The following SOBP variants were observed in gnomAD, a reference collection of about 807,000 sequenced individuals.
The protein encoded by SOBP is sine oculis binding protein homolog.
A neutral mutation model predicts 53.6 loss-of-function variants in SOBP; 4 were observed. That is an observed-to-expected ratio of 0.07 (90% CI 0.04 to 0.17). The LOEUF (loss-of-function observed/expected upper bound fraction) is 0.17, where lower values mean the gene tolerates loss of function less well. Among genes scored for constraint, SOBP ranks in the 10% least tolerant of loss-of-function variants. The pLI is 1.00. For missense variants in SOBP, 1,088 were observed against 1,204.7 expected, an observed-to-expected ratio of 0.90 and a Z score of 1.43; for synonymous variants, 584 against 522.6, an observed-to-expected ratio of 1.12 and a Z score of -1.60.
rs1770958245 is a variant in SOBP, at chr6:107,635,044, G to A, written c.2200G>A (p.Gly734Ser). 4 of 1,295,020 alleles carry A rather than the reference G, an allele frequency of 3.1e-6. No homozygotes were observed. In the East Asian group the frequency reaches 9.5e-5, roughly 31 times the overall value. The allele number at this position is 1,295,020 out of a possible 1,614,324, so 80.2% of individuals were successfully genotyped here. Reference protein sequence around the residue: ...VNGTRGAAAEGAKSAEPPPEQ... With the variant: ...VNGTRGAAAESAKSAEPPPEQ... ...CGGCACGCGCGGCGCCGCCGCCGAG[G>A]GCGCTAAGAGCGCGGAGCCGCCTCC... Residue 734 changes from glycine (G) to serine (S), a missense_variant, in exon 6 of 7, where the codon GGC (glycine) becomes AGC (serine). By Grantham distance (56) the Gly-to-Ser change is moderately conservative. Transcript: ENST00000317357. This position sits in a 1 kb window ranked among gnomAD's most constrained non-coding sequence, Gnocchi z 4.5.
At position 107,634,897 on chromosome 6, in the gene SOBP, G is replaced by A. The variant is rs1351570525; in HGVS notation, c.2053G>A (p.Ala685Thr). 1 of 1,298,458 alleles carries A rather than the reference G, an allele frequency of 7.7e-7. No individual in the cohort carries two copies. The highest frequency in any genetic ancestry group is 9.9e-7 in the Non-Finnish European group (1 of 1,013,040). 80.4% of individuals were successfully genotyped at this position (1,298,458 alleles called of 1,614,324 possible). Residue 685 changes from alanine (A) to threonine (T), a missense_variant, in exon 6 of 7, where the codon GCG (alanine) becomes ACG (threonine). By Grantham distance (58) the Ala-to-Thr change is moderately conservative. Around this residue, in one of 6 missense-constraint regions of SOBP, gnomAD observed 665 missense variants for 629.7 expected, o/e 1.06. Coordinates refer to ENST00000317357, the MANE Select transcript of SOBP (RefSeq NM_018013.4). This position sits in a 1 kb window ranked among gnomAD's most constrained non-coding sequence, Gnocchi z 4.5. ...CAAGGCGGAGCGCGAGCCGAGCGCC[G>A]CGGAGCGCAGGACCTGCGGCGGCTG... ...HVKAEREPSA[A>T]ERRTCGGCRD...
chr6:107,547,979 G>T (rs1784349888), intron 4 of SOBP, among the ~76,000 whole-genome samples: 1 of 152,210 alleles, frequency 6.6e-6, no homozygotes, highest in Non-Finnish European at 1.5e-5. Flanking sequence ...GAATGGAAGG[G>T]AGAGAAGGTA....
At chr6:107,582,377 T>A (rs894882068) in intron 4 of SOBP, among the ~76,000 whole-genome samples, 1 of 152,164 alleles carries the variant, frequency 6.6e-6, no homozygotes, top group Non-Finnish European at 1.5e-5. Context: ...GAGAGGTGAA[T>A]ACAAAGTTTG....
chr6:107,534,837 C>T (rs909398722), intron 4 of SOBP, among the ~76,000 whole-genome samples: 1 of 152,182 alleles, frequency 6.6e-6, no homozygotes, highest in African/African-American at 2.4e-5. Context: ...TGGGAGGAGC[C>T]AGTGAATCTG....
chr6:107,549,585 A>T (rs1458907328), intron 4 of SOBP, among the ~76,000 whole-genome samples: 1 of 152,048 alleles, frequency 6.6e-6, no homozygotes, highest in Non-Finnish European at 1.5e-5. Flanking sequence ...CCAGAAGTAC[A>T]GCTCCCCTCC....
chr6:107,495,407 A>G (rs561027586), intron 1 of SOBP, among the ~76,000 whole-genome samples: 1 of 152,332 alleles, frequency 6.6e-6, no homozygotes, highest in South Asian at 2.1e-4. Flanking sequence ...CCATCCACGA[A>G]CTGGTGTGAT....
chr6:107,505,086 A>T (rs1167624942), intron 2 of SOBP, among the ~76,000 whole-genome samples: 1 of 152,014 alleles, frequency 6.6e-6, no homozygotes, highest in Non-Finnish European at 1.5e-5. Flanking sequence ...TAAAATTTTT[A>T]TTTTTGTTAT....
At chr6:107,611,839 A>C (rs961781795) in intron 5 of SOBP, among the ~76,000 whole-genome samples, 1 of 152,206 alleles carries the variant, frequency 6.6e-6, no homozygotes, top group South Asian at 2.1e-4. Flanking sequence ...GGAGTTAACT[A>C]ATTCCATCGG....
rs1263646072 is a variant in SOBP at position 107,634,066 on chromosome 6, C to T, written c.1222C>T (p.Arg408Cys). The change falls in exon 6 of 7, where the codon CGC becomes TGC. Residue 408 changes from arginine (R) to cysteine (C), a missense_variant. Around this residue, in one of 6 missense-constraint regions of SOBP, gnomAD observed 211 missense variants for 258.9 expected, o/e 0.82. Coordinates refer to ENST00000317357, the MANE Select transcript of SOBP (RefSeq NM_018013.4). The surrounding 1 kb of genome is among the most constrained non-coding windows in gnomAD (Gnocchi z 4.5). The part of the protein sequence containing the change: ...FMEQQIMQQI[R>C]PPFIRGPPHH... ...GGAGCAGCAGATCATGCAGCAGATC[C>T]GCCCGCCCTTCATCCGCGGGCCTCC... The T allele has an allele frequency of 3.7e-6, 6 of 1,601,700 alleles. No individual in the cohort carries two copies. The highest frequency in any genetic ancestry group is 5.1e-6 in the Non-Finnish European group (6 of 1,173,226).
chr6:107,634,901 A>T lies in SOBP; in HGVS notation c.2057A>T (p.Glu686Val). Residue 686 changes from glutamate (E) to valine (V), a missense_variant, in exon 6 of 7, where the codon GAG becomes GTG. Around this residue, in one of 6 missense-constraint regions of SOBP, gnomAD observed 665 missense variants for 629.7 expected, o/e 1.06. Coordinates refer to ENST00000317357, the MANE Select transcript of SOBP (RefSeq NM_018013.4). This position sits in a 1 kb window ranked among gnomAD's most constrained non-coding sequence, Gnocchi z 4.5. ...GCGGAGCGCGAGCCGAGCGCCGCGGAGCGCAGGACCTGCGGCGGCTGCAGG... is the reference window on the plus strand; with the variant it reads ...GCGGAGCGCGAGCCGAGCGCCGCGGTGCGCAGGACCTGCGGCGGCTGCAGG... The part of the protein sequence containing the change: ...VKAEREPSAA[E>V]RRTCGGCRDG... 7.8e-7 allele frequency: 1 copy of T among 1,286,138 alleles called. No homozygotes were observed. The highest frequency in any genetic ancestry group is 2.0e-5 in the South Asian group (1 of 51,150). 79.7% of individuals were successfully genotyped at this position (1,286,138 alleles called of 1,614,324 possible).
At chr6:107,593,327 G>A (rs151193385) in intron 5 of SOBP, among the ~76,000 whole-genome samples, 448 of 152,296 alleles carry the variant, frequency 2.9e-3, no homozygotes, top group African/African-American at 0.01. Flanking sequence ...TCTTGATTTG[G>A]CAGGCTCTCC....
intron 4 of SOBP, among the ~76,000 whole-genome samples, chr6:107,545,455 CG>C (rs1784274053): frequency 6.6e-6 from 1 of 152,066 alleles, no homozygotes; most frequent in Non-Finnish European, 1.5e-5. Context: ...AATGGTGTGG[CG>C]GGAAGGAAGG....
chr6:107,496,478 C>T (rs1782701424), intron 1 of SOBP, among the ~76,000 whole-genome samples: 1 of 152,198 alleles, frequency 6.6e-6, no homozygotes, highest in African/African-American at 2.4e-5. Context: ...ATTATATAGC[C>T]ATCCAATTTA....
intron 1 of SOBP, among the ~76,000 whole-genome samples, chr6:107,501,455 G>A (rs560990365): frequency 4.6e-5 from 7 of 152,256 alleles, no homozygotes; most frequent in Non-Finnish European, 8.8e-5. Context: ...ATAGATGACC[G>A]GTCTATAAAA....
At chr6:107,563,139 C>T (rs890194555) in intron 4 of SOBP, among the ~76,000 whole-genome samples, 3 of 151,794 alleles carry the variant, frequency 2.0e-5, no homozygotes, top group African/African-American at 4.8e-5. Flanking sequence ...TGCCTGTAGT[C>T]CCAGCTACTT....
intron 2 of SOBP, among the ~76,000 whole-genome samples, chr6:107,505,375 T>A (rs1365020358): frequency 6.6e-6 from 1 of 151,912 alleles, no homozygotes; most frequent in African/African-American, 2.4e-5. Flanking sequence ...TAAGCTGGAG[T>A]GCAGTGGCGC....
At chr6:107,504,372 T>A (rs1212192163) in intron 2 of SOBP, among the ~76,000 whole-genome samples, 1 of 152,196 alleles carries the variant, frequency 6.6e-6, no homozygotes. Context: ...TCTTTAAGAA[T>A]TTTTTAATCA....
chr6:107,516,672 A>G (rs1003084609), intron 3 of SOBP, among the ~76,000 whole-genome samples: 4 of 152,188 alleles, frequency 2.6e-5, no homozygotes, highest in Admixed American at 1.3e-4. Flanking sequence ...CAATTTATCA[A>G]AGTCTCTAAA....
Position 107,507,942 on chromosome 6 carries a change from C to T in SOBP, c.421+1515C>T, listed in dbSNP as rs76562189. The stretch of plus-strand genomic sequence containing the variant: ...ATATTGCAAGCTGGGCTATATATTT[C>T]ACACAGAGAAAGAAGTTAAATAATA... On this transcript the variant is annotated intron_variant, in intron 3 of 6. Coordinates refer to ENST00000317357, the MANE Select transcript of SOBP (RefSeq NM_018013.4). Among the ~76,000 whole-genome samples, 94 of 152,214 alleles carry T rather than the reference C, an allele frequency of 6.2e-4. 1 individual carries two copies. In the East Asian group the frequency reaches 0.017, roughly 27 times the overall value.
Sources: allele counts gnomAD v4.1 joint callset (sites outside exome capture counted in the v4.1 genomes callset), GRCh38; gene constraint gnomAD v4.1.1; regional missense constraint gnomAD v4.1.1; non-coding constraint Gnocchi (gnomAD v3.1); transcripts MANE v1.5; gene names NCBI Gene and HGNC (gene_info 2026-07-23, HGNC 2026-07-21).